The following CHST8 variants were observed in gnomAD, a reference collection of about 807,000 sequenced individuals.
CHST8 encodes the protein carbohydrate sulfotransferase 8.
A neutral mutation model predicts 15.0 loss-of-function variants in CHST8; 10 were observed. The observed-to-expected ratio is 0.67, with a 90% CI of 0.41 to 1.13. The LOEUF is 1.13. Ranked by LOEUF, CHST8 falls within the 50% of genes most tolerant of loss-of-function variation. The pLI is 0.00. For missense variants in CHST8, 634 were observed against 608.2 expected (o/e 1.04, Z -0.45); for synonymous variants, 259 against 256.6 (o/e 1.01, Z -0.09).
chr19:33,724,875 G>T lies in CHST8; in HGVS notation c.130+35484G>T, dbSNP rs564658685. ...CCAAGGGTGGACTGTGGCCCAGAGT[G>T]GGGGGCCACACCTCGGCACACCCCA... On this transcript the variant is annotated intron_variant, in intron 3 of 4. Transcript: ENST00000650847. 6.6e-4 allele frequency among the ~76,000 whole-genome samples: 101 copies of T among 152,272 alleles called. 2 individuals are homozygous for T. In the East Asian group the frequency reaches 9.1e-3, roughly 14 times the overall value.
intron 3 of CHST8, among the ~76,000 whole-genome samples, chr19:33,728,736 C>T (rs1043801454): frequency 6.6e-6 from 1 of 152,082 alleles, no homozygotes; most frequent in Non-Finnish European, 1.5e-5. Flanking sequence ...GCAGGGGAGC[C>T]CAGGCCAGGG....
At chr19:33,754,539 G>A (rs1437980213) in intron 3 of CHST8, among the ~76,000 whole-genome samples, 2 of 152,142 alleles carry the variant, frequency 1.3e-5, no homozygotes, top group African/African-American at 2.4e-5. Context: ...GGACAGGATC[G>A]ACTTTACCAA....
chr19:33,770,500 C>G (rs529228549), intron 3 of CHST8, among the ~76,000 whole-genome samples: 3 of 152,298 alleles, frequency 2.0e-5, no homozygotes, highest in South Asian at 4.1e-4. Context: ...TAGATTCCCC[C>G]CAAAGGGAAT....
chr19:33,631,362 CT>C (rs2145436419), intron 1 of CHST8, among the ~76,000 whole-genome samples: 1 of 152,302 alleles, frequency 6.6e-6, no homozygotes, highest in African/African-American at 2.4e-5. Flanking sequence ...TTGGCAGAGG[CT>C]GACATGGGCT....
At position 33,773,067 on chromosome 19, in the gene CHST8, G is replaced by A. The variant is rs1975045772; in HGVS notation, c.*4G>A. On this transcript the variant is annotated 3_prime_UTR_variant, in exon 5 of 5. Coordinates refer to ENST00000650847, the MANE Select transcript of CHST8 (RefSeq NM_001127895.2). ...GCCCTTTGCAGATCTGTACTGAGGG[G>A]CGCCGCAGCTGGCCGGGGCCGCCCT... The A allele has an allele frequency of 8.8e-6, 14 of 1,584,400 alleles. No individual in the cohort carries two copies. Among genetic ancestry groups the A allele is most frequent in the African/African-American group, 1.3e-5 (1 of 74,576 alleles).
Position 33,769,911 on chromosome 19 carries a change from G to A in CHST8, c.131-1502G>A, listed in dbSNP as rs536459915. 9.9e-5 allele frequency among the ~76,000 whole-genome samples: 15 copies of A among 152,206 alleles called. 1 individual carries two copies. Among genetic ancestry groups the A allele is most frequent in the South Asian group, 4.2e-4 (2 of 4,818 alleles). On this transcript the variant is annotated intron_variant, in intron 3 of 4. Transcript: ENST00000650847. ...TTGTTCCCAGCCCAAAGGGACAAGC[G>A]GAAGAAAGATGAAATGTGTCCCAGT...
Position 33,644,031 on chromosome 19 carries a change from C to T in CHST8, c.-164+21735C>T, listed in dbSNP as rs574530132. Among the ~76,000 whole-genome samples the T allele has an allele frequency of 1.5e-4, 23 of 152,272 alleles. 1 individual carries two copies. The East Asian group carries it at 4.1e-3, about 27-fold the overall frequency. ...CACTGCAACCTCCACCTCCTGGGTT[C>T]AAGCCATTCTCCTGTCTCAGCTTCC... On this transcript the variant is annotated intron_variant, in intron 1 of 4. Transcript: ENST00000650847.
chr19:33,717,647 G>A (rs1973686860), intron 3 of CHST8, among the ~76,000 whole-genome samples: 1 of 152,120 alleles, frequency 6.6e-6, no homozygotes, highest in African/African-American at 2.4e-5. Flanking sequence ...CACCAAACAT[G>A]GGTGGTCTCG....
chr19:33,692,754 C>T (rs1973122665), intron 3 of CHST8, among the ~76,000 whole-genome samples: 1 of 152,062 alleles, frequency 6.6e-6, no homozygotes, highest in Admixed American at 6.6e-5. Flanking sequence ...AGGCTGACTC[C>T]ACATTTGGTC....
Position 33,772,040 on chromosome 19 carries a change from G to A in CHST8, c.252G>A (p.Pro84=), listed in dbSNP as rs373583449. 6.2e-7 allele frequency: 1 copy of A among 1,612,160 alleles called. No individual in the cohort carries two copies. The highest frequency in any genetic ancestry group is 2.2e-5 in the East Asian group (1 of 44,858). Residue 84 remains proline (P), a synonymous_variant, in exon 5 of 5, where the codon CCG becomes CCA. Coordinates refer to ENST00000650847, the MANE Select transcript of CHST8 (RefSeq NM_001127895.2). The part of the protein sequence containing the change: ...RVTRDLSSGA[P]RGRNLPAPDQ... ...CTCGGGACTTATCCAGTGGGGCCCC[G>A]AGGGGCCGCAACCTGCCAGCGCCTG...
intron 3 of CHST8, among the ~76,000 whole-genome samples, chr19:33,737,420 C>T (rs1974108619): frequency 6.6e-6 from 1 of 152,178 alleles, no homozygotes; most frequent in Non-Finnish European, 1.5e-5. Flanking sequence ...GGAACTGTCC[C>T]TAGCACTGGG....
At chr19:33,733,911 G>A (rs108295) in intron 3 of CHST8, among the ~76,000 whole-genome samples, 63,357 of 152,114 alleles carry the variant, frequency 0.42, 14,668 homozygotes, top group East Asian at 0.89. Context: ...ACAAACTTCC[G>A]TCGTTGATCT....
rs540518417 is a variant in CHST8, at chr19:33,767,869, C to T, written c.131-3544C>T. Among the ~76,000 whole-genome samples, 3 of 152,262 alleles carry T rather than the reference C, an allele frequency of 2.0e-5. No individual in the cohort carries two copies. In the South Asian group the frequency reaches 6.2e-4, roughly 32 times the overall value. On this transcript the variant is annotated intron_variant, in intron 3 of 4. Transcript: ENST00000650847. ...TGGCTGGAGTTGCTCTGCAAGGCCA[C>T]TGATGTTATCTAGATTGTACGTTTT...
At chr19:33,653,512 T>C (rs1972474013) in intron 1 of CHST8, among the ~76,000 whole-genome samples, 1 of 152,232 alleles carries the variant, frequency 6.6e-6, no homozygotes, top group African/African-American at 2.4e-5. Context: ...CTTTCTTAAG[T>C]TCTGCAAATT....
intron 1 of CHST8, among the ~76,000 whole-genome samples, chr19:33,657,071 C>T (rs1972517296): frequency 6.6e-6 from 1 of 151,250 alleles, no homozygotes; most frequent in Non-Finnish European, 1.5e-5. Context: ...TTAAAACCTT[C>T]CATTTTGATG....
intron 3 of CHST8, among the ~76,000 whole-genome samples, chr19:33,742,680 C>T (rs1379917538): frequency 6.6e-6 from 1 of 152,214 alleles, no homozygotes. Flanking sequence ...TTTCTTGGGA[C>T]AGCTGATCAC....
At chr19:33,622,920 C>T (rs566426355) in intron 1 of CHST8, among the ~76,000 whole-genome samples, 6 of 152,244 alleles carry the variant, frequency 3.9e-5, no homozygotes, top group South Asian at 2.1e-4. Context: ...GTGCGGGAGT[C>T]GGAGCCTGGG....
At chr19:33,722,258 G>A (rs897860530) in intron 3 of CHST8, among the ~76,000 whole-genome samples, 29 of 151,544 alleles carry the variant, frequency 1.9e-4, no homozygotes, top group African/African-American at 6.8e-4. Flanking sequence ...GGGAGGGAGG[G>A]AGTGATAGAT....
At chr19:33,650,613 C>A (rs1972434677) in intron 1 of CHST8, among the ~76,000 whole-genome samples, 1 of 124,958 alleles carries the variant, frequency 8.0e-6, no homozygotes, top group Non-Finnish European at 1.6e-5. Flanking sequence ...CTCACTGGTA[C>A]TTTCTCCTCC....
Sources: allele counts gnomAD v4.1 joint callset (sites outside exome capture counted in the v4.1 genomes callset), GRCh38; gene constraint gnomAD v4.1.1; transcripts MANE v1.5; gene names NCBI Gene and HGNC (gene_info 2026-07-23, HGNC 2026-07-21).